Variants in DPP10 observed in about 807,000 individuals in gnomAD.
DPP10 encodes inactive dipeptidyl peptidase 10.
DPP10 carries 33 observed loss-of-function variants against 120.9 expected under a neutral mutation model. That is an observed-to-expected ratio of 0.27 (90% confidence interval 0.21 to 0.37). DPP10 has a LOEUF of 0.37. DPP10 is among the 10% of genes least tolerant of loss of function. The pLI is 1.00. For synonymous variants in DPP10, 337 were observed against 326.1 expected, an observed-to-expected ratio of 1.03 and a Z score of -0.36; for missense variants, 816 against 942.8, an observed-to-expected ratio of 0.87 and a Z score of 1.76.
intron 1 of DPP10, among the ~76,000 whole-genome samples, chr2:115,088,751 A>C (rs1477224942): frequency 1.5e-4 from 6 of 40,822 alleles, no homozygotes; most frequent in East Asian, 4.3e-4. Context: ...TGTGCCTGAC[A>C]AAAAAAAAAA....
At chr2:115,549,188 G>A (rs2079715318) in intron 5 of DPP10, among the ~76,000 whole-genome samples, 1 of 152,130 alleles carries the variant, frequency 6.6e-6, no homozygotes, top group South Asian at 2.1e-4. Context: ...AAATGGTCCA[G>A]TGCCTTCTGT....
chr2:114,621,240 T>C (rs1173983424), intron 1 of DPP10, among the ~76,000 whole-genome samples: 1 of 152,122 alleles, frequency 6.6e-6, no homozygotes, highest in Non-Finnish European at 1.5e-5. Context: ...GAGACAGTTG[T>C]AATACTTAAG....
chr2:115,245,431 C>CTA (rs2058490753), intron 1 of DPP10, among the ~76,000 whole-genome samples: 1 of 151,716 alleles, frequency 6.6e-6, no homozygotes, highest in Admixed American at 6.6e-5. Context: ...AATGAGATAC[C>CTA]ACCTTACTCT....
chr2:114,989,421 G>A (rs1279560693), intron 1 of DPP10, among the ~76,000 whole-genome samples: 1 of 152,198 alleles, frequency 6.6e-6, no homozygotes, highest in African/African-American at 2.4e-5. Flanking sequence ...AGAGGGAAAA[G>A]GGGAACAGAG....
chr2:114,897,882 AC>A (rs1693171641), intron 1 of DPP10, among the ~76,000 whole-genome samples: 1 of 151,732 alleles, frequency 6.6e-6, no homozygotes, highest in Non-Finnish European at 1.5e-5. Flanking sequence ...AAATAGGAAC[AC>A]TTTTACACTG....
intron 1 of DPP10, among the ~76,000 whole-genome samples, chr2:114,445,349 C>G (rs1441061539): frequency 6.6e-6 from 1 of 152,146 alleles, no homozygotes; most frequent in Non-Finnish European, 1.5e-5. Flanking sequence ...AGAGACTTTT[C>G]TCCCAAAGCT....
chr2:114,897,696 C>G (rs1437594763), intron 1 of DPP10, among the ~76,000 whole-genome samples: 1 of 152,078 alleles, frequency 6.6e-6, no homozygotes, highest in Non-Finnish European at 1.5e-5. Context: ...AGGACATGAA[C>G]AGACACTTCT....
At chr2:114,538,268 AAAG>A (rs1262209661) in intron 1 of DPP10, among the ~76,000 whole-genome samples, 1 of 152,200 alleles carries the variant, frequency 6.6e-6, no homozygotes, top group Non-Finnish European at 1.5e-5. Flanking sequence ...AACAGAGAAG[AAAG>A]AAGAGGAAAG....
chr2:115,727,318 A>T (rs1559080035), intron 7 of DPP10, among the ~76,000 whole-genome samples: 1 of 152,136 alleles, frequency 6.6e-6, no homozygotes, highest in Non-Finnish European at 1.5e-5. Flanking sequence ...CGTTTCTACC[A>T]TCAGGGAATC....
At chr2:115,449,373 A>T (rs1389289580) in intron 3 of DPP10, among the ~76,000 whole-genome samples, 1 of 152,054 alleles carries the variant, frequency 6.6e-6, no homozygotes, top group East Asian at 1.9e-4. Context: ...TAAGGGGATA[A>T]ACAAAAATGA....
chr2:115,467,864 G>A (rs930611420), intron 3 of DPP10, among the ~76,000 whole-genome samples: 2 of 152,138 alleles, frequency 1.3e-5, no homozygotes, highest in Non-Finnish European at 2.9e-5. Flanking sequence ...AACAAAGATA[G>A]CAGAATCAGG....
chr2:114,925,526 G>A (rs1192468037), intron 1 of DPP10, among the ~76,000 whole-genome samples: 8 of 152,100 alleles, frequency 5.3e-5, no homozygotes, highest in Non-Finnish European at 1.0e-4. Flanking sequence ...TGCTTATCTC[G>A]CACTTTCTGT....
intron 1 of DPP10, among the ~76,000 whole-genome samples, chr2:114,486,162 G>T (rs2104704543): frequency 6.6e-6 from 1 of 152,216 alleles, no homozygotes; most frequent in Non-Finnish European, 1.5e-5. Flanking sequence ...GCCATCCTGT[G>T]TAGATCAGAC....
At chr2:115,577,232 T>C (rs1249007706) in intron 5 of DPP10, among the ~76,000 whole-genome samples, 3 of 152,188 alleles carry the variant, frequency 2.0e-5, no homozygotes, top group African/African-American at 7.2e-5. Flanking sequence ...CTGCGTCTAA[T>C]ATCTCTTCCT....
At chr2:114,728,697 G>T (rs1218464636) in intron 1 of DPP10, among the ~76,000 whole-genome samples, 1 of 152,092 alleles carries the variant, frequency 6.6e-6, no homozygotes, top group African/African-American at 2.4e-5. Context: ...AATTTGATTA[G>T]ATTACATTCT....
At chr2:114,980,386 T>C (rs1326690475) in intron 1 of DPP10, among the ~76,000 whole-genome samples, 1 of 152,066 alleles carries the variant, frequency 6.6e-6, no homozygotes, top group Non-Finnish European at 1.5e-5. Flanking sequence ...TAGTCACAAA[T>C]CTTCTGTTCT....
intron 1 of DPP10, among the ~76,000 whole-genome samples, chr2:115,236,294 A>G (rs1459500090): frequency 1.3e-5 from 2 of 152,240 alleles, no homozygotes; most frequent in Non-Finnish European, 2.9e-5. Flanking sequence ...CTTTCAGAAT[A>G]TACCATGGAC....
intron 1 of DPP10, among the ~76,000 whole-genome samples, chr2:114,775,184 A>G (rs1435870): frequency 0.016 from 2,458 of 152,224 alleles, 64 homozygotes; most frequent in African/African-American, 0.056. Context: ...CCTAACAATA[A>G]TAATGTAGTC....
intron 1 of DPP10, among the ~76,000 whole-genome samples, chr2:114,930,740 G>A (rs115731416): frequency 0.011 from 1,666 of 152,282 alleles, 26 homozygotes; most frequent in African/African-American, 0.038. Context: ...TGCTTCTGAC[G>A]AGGGCCTCAG....
Sources: allele counts gnomAD v4.1 joint callset (sites outside exome capture counted in the v4.1 genomes callset), GRCh38; gene constraint gnomAD v4.1.1; transcripts MANE v1.5; gene names NCBI Gene and HGNC (gene_info 2026-07-23, HGNC 2026-07-21).